Variants in QTMAN observed in about 807,000 individuals in gnomAD.
QTMAN encodes tRNA-queuosine alpha-mannosyltransferase.
At chr2:144,165,560 C>T in the QTMAN span, among the ~76,000 whole-genome samples, 1 of 152,122 alleles carries the variant, frequency 6.6e-6, no homozygotes, top group Non-Finnish European at 1.5e-5. Context: ...TTTACATGCT[C>T]ATGGCTCCTG....
chr2:144,117,488 C>T, the QTMAN span, among the ~76,000 whole-genome samples: 5 of 152,170 alleles, frequency 3.3e-5, no homozygotes, highest in African/African-American at 4.8e-5. Flanking sequence ...CTTTCAGACT[C>T]CGAAATTAAC....
chr2:144,055,326 G>GAC, the QTMAN span, among the ~76,000 whole-genome samples: 1 of 128,064 alleles, frequency 7.8e-6, no homozygotes, highest in African/African-American at 3.1e-5. Flanking sequence ...CACACACACA[G>GAC]ACACACAGAC....
the QTMAN span, among the ~76,000 whole-genome samples, chr2:144,201,566 A>G: frequency 6.6e-6 from 1 of 152,192 alleles, no homozygotes; most frequent in East Asian, 1.9e-4. Context: ...TATAGGCACT[A>G]AGCTTTCTTT....
the QTMAN span, among the ~76,000 whole-genome samples, chr2:144,021,691 A>G: frequency 2.6e-5 from 4 of 152,378 alleles, no homozygotes; most frequent in African/African-American, 7.2e-5. Flanking sequence ...AATAAACCCA[A>G]TGTAATAATT....
chr2:144,251,083 T>C, the QTMAN span, among the ~76,000 whole-genome samples: 1 of 152,198 alleles, frequency 6.6e-6, no homozygotes, highest in East Asian at 1.9e-4. Context: ...TGTATAAAAG[T>C]AGTTCTTTTA....
the QTMAN span, among the ~76,000 whole-genome samples, chr2:144,054,625 G>A: frequency 6.6e-6 from 1 of 152,194 alleles, no homozygotes; most frequent in Non-Finnish European, 1.5e-5. Context: ...TGGGTTACAT[G>A]AAGGATGATG....
chr2:144,245,618 T>C, the QTMAN span, among the ~76,000 whole-genome samples: 5 of 152,206 alleles, frequency 3.3e-5, no homozygotes, highest in African/African-American at 1.2e-4. Context: ...TTTAACCAAA[T>C]AGAATTAAGA....
chr2:144,007,029 T>C, the QTMAN span: 3 of 530,220 alleles, frequency 5.7e-6, no homozygotes, highest in Non-Finnish European at 9.8e-6. Flanking sequence ...AGATATTTAG[T>C]AGTACCACCT....
At chr2:143,990,154 C>A in the QTMAN span, among the ~76,000 whole-genome samples, 3 of 151,810 alleles carry the variant, frequency 2.0e-5, no homozygotes, top group African/African-American at 4.8e-5. Context: ...AAAAAAAATT[C>A]TCCTGCTGAC....
the QTMAN span, among the ~76,000 whole-genome samples, chr2:144,189,198 G>A: frequency 5.3e-5 from 8 of 152,154 alleles, no homozygotes; most frequent in African/African-American, 1.9e-4. Flanking sequence ...ATGTTGCCCA[G>A]GCTGGTCTAG....
the QTMAN span, among the ~76,000 whole-genome samples, chr2:144,123,162 T>C: frequency 2.6e-5 from 4 of 152,158 alleles, no homozygotes; most frequent in Admixed American, 6.5e-5. Flanking sequence ...TACACTATCA[T>C]TATATCTTAA....
chr2:144,230,714 T>C, the QTMAN span, among the ~76,000 whole-genome samples: 1 of 152,170 alleles, frequency 6.6e-6, no homozygotes, highest in Non-Finnish European at 1.5e-5. Flanking sequence ...AGATCATTCA[T>C]TAATAAAATT....
chr2:144,194,115 TA>T, the QTMAN span, among the ~76,000 whole-genome samples: 1 of 152,096 alleles, frequency 6.6e-6, no homozygotes, highest in Non-Finnish European at 1.5e-5. Flanking sequence ...ATAATTTTTT[TA>T]AAAAAATTCA....
the QTMAN span, among the ~76,000 whole-genome samples, chr2:144,147,022 C>T: frequency 6.6e-6 from 1 of 151,900 alleles, no homozygotes; most frequent in South Asian, 2.1e-4. Context: ...TTGTTATTAC[C>T]ATGATTACAA....
chr2:144,263,679 T>C, the QTMAN span, among the ~76,000 whole-genome samples: 1 of 152,164 alleles, frequency 6.6e-6, no homozygotes, highest in East Asian at 1.9e-4. Flanking sequence ...GCCGAGATTG[T>C]GCCATTGCAC....
the QTMAN span, among the ~76,000 whole-genome samples, chr2:144,248,971 C>A: frequency 4.6e-4 from 70 of 152,212 alleles, 3 homozygotes; most frequent in East Asian, 0.014. Context: ...ATGTTTATCA[C>A]CCCAAAATGA....
At chr2:144,243,839 G>C in the QTMAN span, among the ~76,000 whole-genome samples, 1 of 152,090 alleles carries the variant, frequency 6.6e-6, no homozygotes, top group African/African-American at 2.4e-5. Flanking sequence ...GTACTTGACT[G>C]GTTTAATTTC....
the QTMAN span, among the ~76,000 whole-genome samples, chr2:144,090,843 A>C: frequency 6.6e-6 from 1 of 152,064 alleles, no homozygotes; most frequent in Admixed American, 6.6e-5. Context: ...GGAAACTGAC[A>C]ACCTTATTCT....
At chr2:143,946,714 T>A in the QTMAN span, 1 of 245,354 alleles carries the variant, frequency 4.1e-6, no homozygotes, top group Non-Finnish European at 7.8e-6. Flanking sequence ...CAACCGGAAA[T>A]TCAATGTGGC....
Sources: gnomAD v4.1 joint callset for allele counts (sites outside exome capture counted in the v4.1 genomes callset) on GRCh38, gnomAD v4.1.1 for gene constraint, MANE v1.5 for transcripts, NCBI Gene and HGNC (gene_info 2026-07-23, HGNC 2026-07-21) for gene names.